Variants in SPOCD1 observed in about 807,000 individuals in gnomAD.
SPOCD1 encodes the protein SPOC domain containing 1, also known as SPOC domain-containing protein 1.
In SPOCD1, 64 loss-of-function variants were observed where a neutral mutation model predicts 92.2. That is an observed-to-expected ratio of 0.69 (90% CI 0.57 to 0.86). The LOEUF is 0.86. Among genes scored for constraint, SPOCD1 ranks in the 40% least tolerant of loss-of-function variants. The probability of loss-of-function intolerance (pLI) is 0.00; values close to 1 mark genes in which losing one functional copy is unlikely to be tolerated. For synonymous variants in SPOCD1, 578 were observed against 619.3 expected (o/e 0.93, Z 0.99); for missense variants, 1,360 against 1,543.1 (o/e 0.88, Z 1.99).
rs1488835205 is a variant in SPOCD1 at position 31,796,273 on chromosome 1, C to G, written c.2271+317G>C. On this transcript the variant is annotated intron_variant, in intron 10 of 15. Coordinates refer to ENST00000360482, the MANE Select transcript of SPOCD1 (RefSeq NM_144569.7). ...CCTGGAACAGCGCAGCCTGCTGCTT[C>G]CCAGCAGAGATCTGGGCAGAATGCC... 6.8e-6 allele frequency: 3 copies of G among 439,458 alleles called. No individual in the cohort carries two copies. In the Admixed American group the frequency reaches 1.0e-4, roughly 15 times the overall value. 27.2% of individuals were successfully genotyped at this position (439,458 alleles called of 1,614,324 possible).
intron 4 of SPOCD1, 111 bp from the exon 5 acceptor site, chr1:31,800,252 C>T (rs1648354937): frequency 1.1e-5 from 16 of 1,503,054 alleles, no homozygotes; most frequent in Non-Finnish European, 1.3e-5. Flanking sequence ...ACCCTGAATT[C>T]AGAGCTGCAG....
At chr1:31,797,443 C>A (rs1347391385) in intron 9 of SPOCD1, among the ~76,000 whole-genome samples, 4 of 152,328 alleles carry the variant, frequency 2.6e-5, no homozygotes, top group Non-Finnish European at 5.9e-5. Context: ...AACAAAGGGC[C>A]CCACATTTTC....
chr1:31,801,140 A>G (rs1336925654), intron 3 of SPOCD1, among the ~76,000 whole-genome samples: 1 of 152,180 alleles, frequency 6.6e-6, no homozygotes, highest in African/African-American at 2.4e-5. Flanking sequence ...TTGCCCATAA[A>G]AGAAATCCCT....
At position 31,794,112 on chromosome 1, in the gene SPOCD1, G is replaced by A; in HGVS notation, c.2383+12C>T. The A allele has an allele frequency of 1.2e-6, 2 of 1,609,822 alleles. No homozygotes were observed. The highest frequency in any genetic ancestry group is 1.7e-6 in the Non-Finnish European group (2 of 1,176,472). ...GCTGCCACCCCTGCACCCCTCCCGT[G>A]TCCCCTCCCACCCTTGCAGATGTGG... On this transcript the variant is annotated intron_variant, in intron 11 of 15. Transcript: ENST00000360482.
At chr1:31,809,363 G>T (rs1395147503) in intron 2 of SPOCD1, among the ~76,000 whole-genome samples, 1 of 152,072 alleles carries the variant, frequency 6.6e-6, no homozygotes, top group African/African-American at 2.4e-5. Flanking sequence ...GCTGATGGGG[G>T]TGTATACTAT....
chr1:31,814,050 AC>A lies in SPOCD1; in HGVS notation c.1283del (p.Gly428ValfsTer37). On this transcript the variant is annotated frameshift_variant, in exon 2 of 16. Coordinates refer to ENST00000360482, the MANE Select transcript of SPOCD1 (RefSeq NM_144569.7). LOFTEE classifies it high-confidence loss of function. The surrounding 1 kb of genome is among the most constrained non-coding windows in gnomAD (Gnocchi z 4.2). ...CCCGGTCTTGGGCACAGGGCACTGG[AC>A]CTTTCTTCAGGTTCTTAGTGCCCTT... is the stretch of plus-strand genomic sequence containing the variant. ...RSKGTKNLKKGPVPCAQDRGT... is the reference protein window; with the variant it reads ...RSKGTKNLKKXPVPCAQDRGT... 1.2e-6 allele frequency: 2 copies of A among 1,613,432 alleles called. No individual in the cohort carries two copies. Among genetic ancestry groups the A allele is most frequent in the African/African-American group, 2.7e-5 (2 of 75,008 alleles).
chr1:31,800,206 A>T, intron 4 of SPOCD1, 65 bp from the exon 5 acceptor site: 1 of 1,525,064 alleles, frequency 6.6e-7, no homozygotes, highest in African/African-American at 1.4e-5. Flanking sequence ...CCCTCCCCAG[A>T]TGTACTGGAG....
intron 2 of SPOCD1, among the ~76,000 whole-genome samples, chr1:31,810,595 G>C (rs968407584): frequency 6.6e-6 from 1 of 152,012 alleles, no homozygotes; most frequent in Non-Finnish European, 1.5e-5. Context: ...CAATCCACCC[G>C]CCTTGGCCTC....
Position 31,814,962 on chromosome 1 carries a change from A to C in SPOCD1, c.372T>G (p.Cys124Trp). 6.2e-7 allele frequency: 1 copy of C among 1,613,888 alleles called. No homozygotes were observed. The highest frequency in any genetic ancestry group is 8.5e-7 in the Non-Finnish European group (1 of 1,179,994). Residue 124 changes from cysteine to tryptophan, a missense_variant, in exon 2 of 16, where the codon TGT becomes TGG. By Grantham distance (215) the Cys-to-Trp change is radical (BLOSUM62 -2). Transcript: ENST00000360482. This position sits in a 1 kb window ranked among gnomAD's most constrained non-coding sequence, Gnocchi z 4.2. ...LTSKRLQVSL[C>W]DILDDSCPRK... ...TGGGGCAACTGTCATCTAAGATGTC[A>C]CACAGAGAAACCTGGAGCCTCTTGG...
intron 3 of SPOCD1, 88 bp downstream of exon 3, chr1:31,801,576 C>T: frequency 1.6e-6 from 2 of 1,235,482 alleles, no homozygotes; most frequent in Non-Finnish European, 1.2e-6. Context: ...GGGGTAGGAT[C>T]TCCACATCTA....
chr1:31,807,196 G>A (rs1237958093), intron 2 of SPOCD1, among the ~76,000 whole-genome samples: 1 of 148,574 alleles, frequency 6.7e-6, no homozygotes, highest in East Asian at 2.1e-4. Context: ...AGACCAGCCT[G>A]GCCAACATGG....
intron 2 of SPOCD1, among the ~76,000 whole-genome samples, chr1:31,806,559 T>A (rs369941564): frequency 6.3e-4 from 96 of 152,254 alleles, no homozygotes; most frequent in African/African-American, 1.9e-3. Context: ...TTTTTTTTTT[T>A]TTTGAGACGG....
At chr1:31,796,879 G>A (rs998143099) in intron 9 of SPOCD1, among the ~76,000 whole-genome samples, 164 bp from the exon 10 acceptor site, 3 of 152,048 alleles carry the variant, frequency 2.0e-5, no homozygotes, top group Middle Eastern at 3.2e-3. Context: ...TCCACCCTTA[G>A]CGCTACCTCT....
At position 31,794,154 on chromosome 1, in the gene SPOCD1, AGTG is replaced by A. The variant is rs780155956; in HGVS notation, c.2350_2352del (p.His784del). On this transcript the variant is annotated inframe_deletion, in exon 11 of 16. Transcript: ENST00000360482. ...CAGATGTGGCAGTTGGGGTCTAAGA[AGTG>A]GTGGTCATGCTGCCCCGTGGTGTCC... 6.2e-7 allele frequency: 1 copy of A among 1,613,986 alleles called. No individual in the cohort carries two copies. Among genetic ancestry groups the A allele is most frequent in the Non-Finnish European group, 8.5e-7 (1 of 1,179,970 alleles).
intron 3 of SPOCD1, among the ~76,000 whole-genome samples, chr1:31,800,885 C>T (rs1186851134): frequency 6.6e-6 from 1 of 152,194 alleles, no homozygotes; most frequent in Non-Finnish European, 1.5e-5. Context: ...CTCAACTTCC[C>T]CCTTAACCCC....
intron 2 of SPOCD1, among the ~76,000 whole-genome samples, chr1:31,803,476 T>G (rs1199276578): frequency 6.6e-6 from 1 of 151,802 alleles, no homozygotes; most frequent in Non-Finnish European, 1.5e-5. Context: ...ATCACGCCTG[T>G]AATCTCAGCA....
At chr1:31,791,817 C>T (rs1557813724) in intron 15 of SPOCD1, among the ~76,000 whole-genome samples, 1 of 152,142 alleles carries the variant, frequency 6.6e-6, no homozygotes, top group Non-Finnish European at 1.5e-5. Context: ...GGTTAGGGGC[C>T]AGGTTTCTGA....
chr1:31,796,413 G>A, intron 10 of SPOCD1, 177 bp downstream of exon 10: 2 of 995,798 alleles, frequency 2.0e-6, no homozygotes, highest in South Asian at 2.9e-5. Flanking sequence ...TGTGCCAGCA[G>A]CACTGTCCCA....
At chr1:31,796,190 C>G in intron 10 of SPOCD1, 1 of 328,044 alleles carries the variant, frequency 3.0e-6, no homozygotes, top group South Asian at 2.5e-5. Context: ...TGGAGCATCC[C>G]TAAACCAATC....
Sources: gnomAD v4.1 joint callset for allele counts (sites outside exome capture counted in the v4.1 genomes callset) on GRCh38, gnomAD v4.1.1 for gene constraint, Gnocchi (gnomAD v3.1) non-coding constraint, MANE v1.5 for transcripts, NCBI Gene and HGNC (gene_info 2026-07-23, HGNC 2026-07-21) for gene names.